TRIM61: variants seen among roughly 807,000 people sequenced by gnomAD.
TRIM61 encodes putative tripartite motif-containing protein 61.
TRIM61 carries 1 observed loss-of-function variant against 14.2 expected under a neutral mutation model. The observed-to-expected ratio is 0.07, with a 90% CI of 0.03 to 0.33. The LOEUF (loss-of-function observed/expected upper bound fraction) is 0.33. Among genes scored for constraint, TRIM61 ranks in the 10% least tolerant of loss-of-function variants. The pLI is 0.99. For missense variants in TRIM61, 19 were observed against 202.2 expected, an observed-to-expected ratio of 0.09 and a Z score of 5.49; for synonymous variants, 8 against 71.6, an observed-to-expected ratio of 0.11 and a Z score of 4.49.
At chr4:164,966,947 AAG>A (rs1047982942) in intron 3 of TRIM61, among the ~76,000 whole-genome samples, 1 of 152,054 alleles carries the variant, frequency 6.6e-6, no homozygotes, top group Non-Finnish European at 1.5e-5. Flanking sequence ...AAAAAATAAA[AAG>A]AGAAAAATGA....
At chr4:164,959,985 G>A (rs144128002) in intron 3 of TRIM61, among the ~76,000 whole-genome samples, 273 of 152,298 alleles carry the variant, frequency 1.8e-3, no homozygotes, top group African/African-American at 6.4e-3. Context: ...GAGGTCATTA[G>A]GGTGGGCCTT....
At chr4:164,964,470 C>T (rs927074399) in intron 3 of TRIM61, among the ~76,000 whole-genome samples, 4 of 151,302 alleles carry the variant, frequency 2.6e-5, no homozygotes, top group South Asian at 2.1e-4. Context: ...AAATTGGAAA[C>T]GAGAGAAAAA....
chr4:164,963,915 CAAAATA>C (rs1463722362), intron 3 of TRIM61, among the ~76,000 whole-genome samples: 6 of 151,516 alleles, frequency 4.0e-5, no homozygotes, highest in African/African-American at 9.7e-5. Context: ...ATATTTTGAG[CAAAATA>C]AAAATAAAAA....
intron 3 of TRIM61, among the ~76,000 whole-genome samples, chr4:164,955,354 C>A (rs1357431267): frequency 6.6e-6 from 1 of 151,974 alleles, no homozygotes; most frequent in Non-Finnish European, 1.5e-5. Flanking sequence ...ATCAGAAACA[C>A]AAACCATTCT....
Position 164,955,081 on chromosome 4 carries a change from C to T in TRIM61, c.541G>A (p.Val181Ile). ...GTGCAACTGCACTCCAGCCTGGTGACAGAAGGAGACTCCATCTCAAAAAAA... is the reference window on the plus strand; with the variant it reads ...GTGCAACTGCACTCCAGCCTGGTGATAGAAGGAGACTCCATCTCAAAAAAA... Residue 181 changes from valine to isoleucine, a missense_variant, in exon 4 of 5, where the codon GTC becomes ATC. Around this residue, in one of 2 missense-constraint regions of TRIM61, gnomAD observed 2 missense variants for 96.6 expected, o/e 0.02. Transcript: ENST00000329314. The T allele has an allele frequency of 1.5e-5, 2 of 130,900 alleles. 1 individual carries two copies. Among genetic ancestry groups the T allele is most frequent in the South Asian group, 3.1e-4 (2 of 6,444 alleles). The allele number at this position is 130,900 out of a possible 1,614,324, so 8.1% of individuals were successfully genotyped here.
In TRIM61 at chr4:164,977,617, C is replaced by A. The variant is rs1380996806; in HGVS notation, c.-562G>T. The A allele has an allele frequency of 6.6e-6, 1 of 152,244 alleles. No individual in the cohort carries two copies. Among genetic ancestry groups the A allele is most frequent in the Non-Finnish European group, 1.5e-5 (1 of 68,100 alleles). 9.4% of individuals were successfully genotyped at this position (152,244 alleles called of 1,614,324 possible). A position where few individuals can be genotyped will look rare whatever the true frequency, so the allele number is the denominator to read the frequency against. Reference sequence around the variant, plus strand: ...AGGAAGGACTCATACCCCAACCCCACCAAGTGGGCTGCTTCCTGCCTGGGG... The same window carrying A: ...AGGAAGGACTCATACCCCAACCCCAACAAGTGGGCTGCTTCCTGCCTGGGG... On this transcript the variant is annotated 5_prime_UTR_variant, in exon 1 of 5. Coordinates refer to ENST00000329314, the MANE Select transcript of TRIM61 (RefSeq NM_001012414.3).
intron 3 of TRIM61, among the ~76,000 whole-genome samples, chr4:164,956,773 G>A (rs1731998505): frequency 6.6e-6 from 1 of 152,160 alleles, no homozygotes; most frequent in Admixed American, 6.5e-5. Context: ...GGTGGCAGAA[G>A]AGCAAAGCAA....
intron 1 of TRIM61, among the ~76,000 whole-genome samples, chr4:164,977,142 T>C (rs1198858156): frequency 2.6e-5 from 4 of 152,134 alleles, no homozygotes; most frequent in African/African-American, 9.7e-5. Flanking sequence ...TGTAAGACCC[T>C]TGTGAGGATT....
intron 2 of TRIM61, among the ~76,000 whole-genome samples, chr4:164,972,787 C>G (rs1732398273): frequency 1.3e-5 from 2 of 152,242 alleles, no homozygotes; most frequent in Admixed American, 1.3e-4. Context: ...CCGCACCTGA[C>G]ATGTCTATTG....
chr4:164,959,752 A>G (rs1360368565), intron 3 of TRIM61, among the ~76,000 whole-genome samples: 1 of 152,218 alleles, frequency 6.6e-6, no homozygotes, highest in Non-Finnish European at 1.5e-5. Context: ...TCTTTAATGT[A>G]TTAATGGTAA....
intron 3 of TRIM61, among the ~76,000 whole-genome samples, chr4:164,963,538 G>A (rs1032163080): frequency 1.3e-4 from 20 of 152,000 alleles, no homozygotes; most frequent in African/African-American, 4.6e-4. Flanking sequence ...GAGGTCAGGA[G>A]TTCGAGACCA....
intron 3 of TRIM61, chr4:164,959,196 T>C (rs1732079861): frequency 6.0e-6 from 1 of 166,678 alleles, no homozygotes; most frequent in South Asian, 2.1e-4. Flanking sequence ...AAACTCGACA[T>C]GTAATTTGTT....
At chr4:164,968,233 G>T (rs1364725425) in intron 3 of TRIM61, 48 bp downstream of exon 3, 1 of 981,830 alleles carries the variant, frequency 1.0e-6, no homozygotes, top group African/African-American at 1.7e-5. Context: ...AATGATGAAT[G>T]CCTTTAATAA....
At chr4:164,963,272 G>T (rs181468973) in intron 3 of TRIM61, among the ~76,000 whole-genome samples, 6 of 152,150 alleles carry the variant, frequency 3.9e-5, no homozygotes, top group Non-Finnish European at 5.9e-5. Context: ...AGTCCATGGT[G>T]GGTGGATCAC....
intron 3 of TRIM61, chr4:164,958,716 T>C (rs1455497018): frequency 2.4e-5 from 4 of 166,428 alleles, no homozygotes; most frequent in African/African-American, 9.7e-5. Flanking sequence ...TCCCACATTA[T>C]GAATTTTATC....
intron 2 of TRIM61, among the ~76,000 whole-genome samples, chr4:164,971,365 G>C (rs1298159027): frequency 6.6e-6 from 1 of 152,144 alleles, no homozygotes; most frequent in Non-Finnish European, 1.5e-5. Context: ...GCCAAGGTGG[G>C]CAGATCACCT....
intron 2 of TRIM61, among the ~76,000 whole-genome samples, chr4:164,972,274 G>A (rs1359876549): frequency 6.6e-6 from 1 of 152,258 alleles, no homozygotes; most frequent in East Asian, 1.9e-4. Flanking sequence ...CTGTAAAATG[G>A]GAAGTATAAC....
At chr4:164,962,028 A>C (rs1044769885) in intron 3 of TRIM61, among the ~76,000 whole-genome samples, 4 of 152,158 alleles carry the variant, frequency 2.6e-5, no homozygotes, top group African/African-American at 9.7e-5. Flanking sequence ...CTGTAATACA[A>C]TGGCAAGCAT....
chr4:164,976,096 T>C (rs916199074), intron 2 of TRIM61, among the ~76,000 whole-genome samples: 1 of 152,244 alleles, frequency 6.6e-6, no homozygotes, highest in African/African-American at 2.4e-5. Flanking sequence ...TTGAACTTAA[T>C]TATGACATAG....
Sources: allele counts gnomAD v4.1 joint callset (sites outside exome capture counted in the v4.1 genomes callset), GRCh38; gene constraint gnomAD v4.1.1; regional missense constraint gnomAD v4.1.1; transcripts MANE v1.5; gene names NCBI Gene and HGNC (gene_info 2026-07-23, HGNC 2026-07-21).